TNRC6C: variants seen among roughly 807,000 people sequenced by gnomAD.
The protein encoded by TNRC6C is trinucleotide repeat containing adaptor 6C.
A neutral mutation model predicts 153.7 loss-of-function variants in TNRC6C; 20 were observed. The observed-to-expected ratio is 0.13, with a 90% CI of 0.09 to 0.19. The LOEUF is 0.19. Among genes scored for constraint, TNRC6C ranks in the 10% least tolerant of loss-of-function variants. TNRC6C has a pLI of 1.00. For missense variants in TNRC6C, 1,987 were observed against 2,172.0 expected (o/e 0.91, Z 1.69); for synonymous variants, 811 against 841.4 (o/e 0.96, Z 0.63).
intron 11 of TNRC6C, 120 bp downstream of exon 13, chr17:78,083,286 C>A: frequency 7.4e-7 from 1 of 1,342,646 alleles, no homozygotes; most frequent in Non-Finnish European, 1.0e-6. Context: ...TTGAGACTCT[C>A]ATGAAGTATT....
upstream of TNRC6C, among the ~76,000 whole-genome samples, chr17:78,002,461 ATCT>A (rs1282650611): frequency 5.3e-5 from 8 of 152,240 alleles, no homozygotes; most frequent in African/African-American, 9.6e-5. Flanking sequence ...GCAGATGTTC[ATCT>A]TGTCAAATTC....
chr17:77,968,841 TC>T (rs2144051930), intron 1 of TNRC6C, among the ~76,000 whole-genome samples: 1 of 152,306 alleles, frequency 6.6e-6, no homozygotes, highest in East Asian at 1.9e-4. Context: ...CATTAGTTTC[TC>T]TTACTTTTTA....
intron 16 of TNRC6C, among the ~76,000 whole-genome samples, chr17:78,096,110 C>T (rs2073481456): frequency 6.6e-6 from 1 of 152,166 alleles, no homozygotes. Context: ...TGCGCACGGC[C>T]GAGCTGACAC....
chr17:78,102,655 C>T (rs2073618858), intron 18 of TNRC6C, 111 bp downstream of exon 21: 3 of 1,165,578 alleles, frequency 2.6e-6, no homozygotes, highest in Admixed American at 4.3e-5. Context: ...GGTTCTTGGT[C>T]AGGGTCCATA....
chr17:78,092,907 T>G, intron 14 of TNRC6C, 26 bp from the exon 17 acceptor site: 1 of 1,609,588 alleles, frequency 6.2e-7, no homozygotes, highest in Non-Finnish European at 8.5e-7. Context: ...ATTCACTCGC[T>G]TCTTTGTTTC....
chr17:78,019,553 C>A (rs1224965553), intron 1 of TNRC6C, among the ~76,000 whole-genome samples: 1 of 152,160 alleles, frequency 6.6e-6, no homozygotes, highest in Non-Finnish European at 1.5e-5. Context: ...TACCATCTAC[C>A]TTTTCACCAG....
chr17:78,085,919 C>T (rs1430300680), intron 11 of TNRC6C, among the ~76,000 whole-genome samples: 1 of 151,620 alleles, frequency 6.6e-6, no homozygotes, highest in East Asian at 1.9e-4. Flanking sequence ...AAAATATTTG[C>T]TGACCAACAT....
chr17:78,012,157 A>G (rs184123100), intron 1 of TNRC6C: 2 of 152,358 alleles, frequency 1.3e-5, no homozygotes, highest in East Asian at 3.9e-4. Flanking sequence ...ATCACATTTT[A>G]TCTAGCTTTT....
chr17:78,031,952 C>A, intron 2 of TNRC6C, 110 bp downstream of exon 4: 1 of 881,564 alleles, frequency 1.1e-6, no homozygotes, highest in Non-Finnish European at 1.5e-6. Context: ...TCACAACATA[C>A]ACAGAGACAG....
In TNRC6C at chr17:78,079,214, A is replaced by T. The variant is rs1484890840; in HGVS notation, c.3211-181A>T. On this transcript the variant is annotated intron_variant, in intron 9 of 19. Transcript: ENST00000301624. This position sits in a 1 kb window ranked among gnomAD's most constrained non-coding sequence, Gnocchi z 4.3. ...CAGTGAGCCAAGACCGCGCTACTGC[A>T]CTCCAGTCTGGGTGACAGAACAAGA... Among the ~76,000 whole-genome samples the T allele has an allele frequency of 6.6e-6, 1 of 151,960 alleles. No homozygotes were observed. The highest frequency in any genetic ancestry group is 1.5e-5 in the Non-Finnish European group (1 of 67,988).
At chr17:78,042,841 G>A (rs1381328306) in intron 2 of TNRC6C, among the ~76,000 whole-genome samples, 5 of 152,036 alleles carry the variant, frequency 3.3e-5, no homozygotes, top group African/African-American at 1.2e-4. Context: ...TGGTGATGGT[G>A]GTGGTGGTGA....
intron 1 of TNRC6C, among the ~76,000 whole-genome samples, chr17:78,029,847 G>T (rs2072027727): frequency 6.7e-6 from 1 of 149,306 alleles, no homozygotes; most frequent in Non-Finnish European, 1.5e-5. Flanking sequence ...ATAAGCCAAG[G>T]CCTACACGAG....
upstream of TNRC6C, among the ~76,000 whole-genome samples, chr17:77,958,687 G>T (rs1489343944): frequency 6.6e-6 from 1 of 151,906 alleles, no homozygotes; most frequent in Non-Finnish European, 1.5e-5. Context: ...GAAGCGGGGG[G>T]AGGGGGGTTC....
chr17:78,098,402 T>C lies in TNRC6C; in HGVS notation c.4366T>C (p.Ser1456Pro), dbSNP rs766523537. ...TGGCCCTACCTCCCACACGCAAGCC[T>C]CTCTGTCTCATGAACTATGGAAGGT... The change falls in exon 17 of 20, where the codon TCT becomes CCT. Residue 1456 changes from serine to proline, a missense_variant. This residue lies in a region of TNRC6C where 765 missense variants were observed against 908.6 expected (regional missense o/e 0.84). Coordinates refer to ENST00000301624, the Ensembl canonical transcript of TNRC6C. 1 of 1,613,884 alleles carries C rather than the reference T, an allele frequency of 6.2e-7. No homozygotes were observed. Among genetic ancestry groups the C allele is most frequent in the South Asian group, 1.1e-5 (1 of 91,076 alleles).
chr17:78,016,260 G>A (rs1215880177), intron 1 of TNRC6C, among the ~76,000 whole-genome samples: 2 of 152,218 alleles, frequency 1.3e-5, no homozygotes, highest in Non-Finnish European at 2.9e-5. Flanking sequence ...GATTGGGAAT[G>A]TGGCCCCTGC....
intron 16 of TNRC6C, 35 bp from the exon 20 acceptor site, chr17:78,098,307 CA>C: frequency 1.3e-6 from 2 of 1,552,002 alleles, no homozygotes; most frequent in Non-Finnish European, 1.7e-6. Context: ...TTCTTTGTCT[CA>C]AGACTGCATA....
At chr17:77,970,105 A>G (rs549471484) in intron 1 of TNRC6C, among the ~76,000 whole-genome samples, 32 of 152,340 alleles carry the variant, frequency 2.1e-4, no homozygotes, top group African/African-American at 6.0e-4. Flanking sequence ...CTTCTGCATT[A>G]TATCTTTCTT....
At chr17:78,023,246 G>A (rs1011009157) in intron 1 of TNRC6C, among the ~76,000 whole-genome samples, 7 of 152,140 alleles carry the variant, frequency 4.6e-5, no homozygotes, top group Non-Finnish European at 1.0e-4. Flanking sequence ...CATCCAAGGG[G>A]GTTTCTGGAA....
chr17:78,104,606 A>G lies in TNRC6C; in HGVS notation c.4834A>G (p.Ser1612Gly), dbSNP rs368083838. 157 of 1,551,694 alleles carry G rather than the reference A, an allele frequency of 1.0e-4. 2 individuals carry two copies. In the South Asian group the frequency reaches 1.8e-3, roughly 17 times the overall value. ...CAGCTGGCAGTCCAGCAGCGCGTCC[A>G]GCCAGCCGCGGCTCAGCGCAGCGGG... The change falls in exon 20 of 20, where the codon AGC (serine) becomes GGC (glycine). Residue 1612 changes from serine to glycine, a missense_variant. By Grantham distance (56) the Ser-to-Gly change is moderately conservative. Around this residue, in one of 4 missense-constraint regions of TNRC6C, gnomAD observed 139 missense variants for 148.5 expected, o/e 0.94. Transcript: ENST00000301624. The surrounding 1 kb of genome is among the most constrained non-coding windows in gnomAD (Gnocchi z 6.2).
Sources: gnomAD v4.1 joint callset for allele counts (sites outside exome capture counted in the v4.1 genomes callset) on GRCh38, gnomAD v4.1.1 for gene constraint, gnomAD v4.1.1 regional missense constraint, Gnocchi (gnomAD v3.1) non-coding constraint, MANE v1.5 for transcripts, NCBI Gene and HGNC (gene_info 2026-07-23, HGNC 2026-07-21) for gene names.